The following IL15 variants were observed in gnomAD, a reference collection of about 807,000 sequenced individuals.
IL15 encodes interleukin-15.
In IL15, 11 loss-of-function variants were observed where a neutral mutation model predicts 19.6. The observed-to-expected ratio is 0.56, with a 90% CI of 0.35 to 0.93. The LOEUF is 0.93. Ranked by LOEUF, IL15 falls within the 40% of genes least tolerant of loss-of-function variation. The pLI is 0.01. For synonymous variants in IL15, 58 were observed against 59.6 expected (o/e 0.97, Z 0.12); for missense variants, 197 against 186.5 (o/e 1.06, Z -0.33).
At chr4:141,693,263 G>A (rs1047676434) in intron 2 of IL15, among the ~76,000 whole-genome samples, 1 of 152,070 alleles carries the variant, frequency 6.6e-6, no homozygotes, top group Admixed American at 6.5e-5. Flanking sequence ...AGAACAGCAT[G>A]AGGGATACTG....
chr4:141,727,967 A>G lies in IL15; in HGVS notation c.223A>G (p.Thr75Ala). The change falls in exon 6 of 8, where the codon ACG (threonine) becomes GCG (alanine). Residue 75 changes from threonine to alanine, a missense_variant. Transcript: ENST00000320650. ...TATGCATATTGATGCTACTTTATAT[A>G]CGGAAAGTGATGTTCACGTGAGTAT... The part of the protein sequence containing the change: ...QSMHIDATLY[T>A]ESDVHPSCKV... 7.3e-7 allele frequency: 1 copy of G among 1,369,856 alleles called. No individual in the cohort carries two copies. The highest frequency in any genetic ancestry group is 2.4e-5 in the East Asian group (1 of 42,042). The allele number at this position is 1,369,856 out of a possible 1,614,324, so 84.9% of individuals were successfully genotyped here. A position where few individuals can be genotyped will look rare whatever the true frequency, so the allele number is the denominator to read the frequency against.
chr4:141,664,253 A>G (rs1472472277), intron 2 of IL15, among the ~76,000 whole-genome samples: 1 of 151,866 alleles, frequency 6.6e-6, no homozygotes, highest in Non-Finnish European at 1.5e-5. Context: ...ATAACCTGTG[A>G]GAGTTTCTAA....
At chr4:141,664,868 CT>C (rs1209888815) in intron 2 of IL15, among the ~76,000 whole-genome samples, 1 of 151,990 alleles carries the variant, frequency 6.6e-6, no homozygotes, top group Non-Finnish European at 1.5e-5. Context: ...GAATATATTA[CT>C]TTTATAGAAA....
chr4:141,643,510 G>A (rs560597744), intron 1 of IL15, among the ~76,000 whole-genome samples: 1 of 152,198 alleles, frequency 6.6e-6, no homozygotes, highest in South Asian at 2.1e-4. Flanking sequence ...GTTAGTTATT[G>A]GGTCCCTTCC....
intron 2 of IL15, among the ~76,000 whole-genome samples, chr4:141,693,827 G>A (rs1729005360): frequency 6.6e-6 from 1 of 152,226 alleles, no homozygotes; most frequent in African/African-American, 2.4e-5. Flanking sequence ...AGGAGAGGAA[G>A]GAGGTAGCAC....
At chr4:141,682,273 C>T (rs1462365913) in intron 2 of IL15, among the ~76,000 whole-genome samples, 1 of 152,072 alleles carries the variant, frequency 6.6e-6, no homozygotes, top group African/African-American at 2.4e-5. Flanking sequence ...ATCTACCTCT[C>T]CTTAAATTAA....
intron 1 of IL15, among the ~76,000 whole-genome samples, chr4:141,648,843 G>A (rs72730046): frequency 6.6e-6 from 1 of 152,114 alleles, no homozygotes; most frequent in Non-Finnish European, 1.5e-5. Context: ...TGGCTTCCAG[G>A]CTAAGGTGTT....
At chr4:141,689,387 A>C (rs1363555466) in intron 2 of IL15, among the ~76,000 whole-genome samples, 1 of 152,054 alleles carries the variant, frequency 6.6e-6, no homozygotes, top group East Asian at 1.9e-4. Context: ...GCTAGAGACA[A>C]AGGTTCTCCA....
chr4:141,693,575 G>A (rs1241588466), intron 2 of IL15, among the ~76,000 whole-genome samples: 1 of 152,076 alleles, frequency 6.6e-6, no homozygotes, highest in African/African-American at 2.4e-5. Context: ...ATTTTTCCAT[G>A]ATTGTTTCTT....
intron 2 of IL15, among the ~76,000 whole-genome samples, chr4:141,691,875 G>A (rs1728923650): frequency 1.3e-5 from 2 of 152,318 alleles, no homozygotes; most frequent in South Asian, 2.1e-4. Flanking sequence ...GCTGTCTTCT[G>A]ACAGCTCCAT....
chr4:141,725,620 T>C (rs1730233252), intron 5 of IL15, among the ~76,000 whole-genome samples: 1 of 152,132 alleles, frequency 6.6e-6, no homozygotes, highest in African/African-American at 2.4e-5. Context: ...CTATTGAAGA[T>C]AAAATTTCTT....
At chr4:141,715,884 T>C (rs1445961955) in intron 2 of IL15, 2 of 152,132 alleles carry the variant, frequency 1.3e-5, no homozygotes, top group African/African-American at 4.8e-5. Context: ...ACTATAATAT[T>C]GGTATAGAAT....
chr4:141,657,212 T>C (rs1727639118), intron 2 of IL15, among the ~76,000 whole-genome samples: 2 of 152,062 alleles, frequency 1.3e-5, no homozygotes, highest in Non-Finnish European at 2.9e-5. Context: ...AAAAATATAA[T>C]ATAAAAGATA....
intron 1 of IL15, among the ~76,000 whole-genome samples, chr4:141,641,737 T>C (rs1200130206): frequency 7.3e-5 from 11 of 150,830 alleles, no homozygotes; most frequent in Admixed American, 6.6e-4. Flanking sequence ...ATATACCTAA[T>C]GTAAATGACG....
At position 141,650,651 on chromosome 4, in the gene IL15, A is replaced by G. The variant is rs1372776011; in HGVS notation, c.-221-5535A>G. Reference sequence around the variant, plus strand: ...TGCACTTATTATTCTCTTCTTGAAAATTAAGATAATTAGACCAGAGAAAAT... The same window carrying G: ...TGCACTTATTATTCTCTTCTTGAAAGTTAAGATAATTAGACCAGAGAAAAT... On this transcript the variant is annotated intron_variant, in intron 1 of 7. Transcript: ENST00000320650. 2.6e-5 allele frequency among the ~76,000 whole-genome samples: 4 copies of G among 152,092 alleles called. No homozygotes were observed. In the East Asian group the frequency reaches 5.8e-4, roughly 22 times the overall value.
intron 1 of IL15, among the ~76,000 whole-genome samples, chr4:141,652,936 G>A (rs1443124558): frequency 2.0e-5 from 3 of 152,062 alleles, no homozygotes; most frequent in African/African-American, 4.8e-5. Flanking sequence ...CATTTTCACC[G>A]AATACGTTAT....
At chr4:141,728,938 A>G (rs1431624571) in intron 6 of IL15, among the ~76,000 whole-genome samples, 7 of 152,070 alleles carry the variant, frequency 4.6e-5, no homozygotes, top group Non-Finnish European at 4.4e-5. Flanking sequence ...ACAACCTTAG[A>G]TTTTAGATTT....
chr4:141,728,342 C>CT (rs1730338445), intron 6 of IL15, among the ~76,000 whole-genome samples: 1 of 152,064 alleles, frequency 6.6e-6, no homozygotes, highest in Non-Finnish European at 1.5e-5. Context: ...ATTTCCAATG[C>CT]TGTAATGTAT....
intron 5 of IL15, among the ~76,000 whole-genome samples, chr4:141,725,958 C>T (rs1177065276): frequency 6.6e-6 from 1 of 152,122 alleles, no homozygotes; most frequent in African/African-American, 2.4e-5. Context: ...TGACAAAAAG[C>T]ATCACATGGC....
Sources: allele counts gnomAD v4.1 joint callset (sites outside exome capture counted in the v4.1 genomes callset), GRCh38; gene constraint gnomAD v4.1.1; transcripts MANE v1.5; gene names NCBI Gene and HGNC (gene_info 2026-07-23, HGNC 2026-07-21).